TNC: variants seen among roughly 807,000 people sequenced by gnomAD.
TNC encodes the protein tenascin C, also known as tenascin.
In TNC, 109 loss-of-function variants were observed where a neutral mutation model predicts 202.4. The observed-to-expected ratio is 0.54, with a 90% confidence interval of 0.46 to 0.63. The LOEUF (loss-of-function observed/expected upper bound fraction) is 0.63. Among genes scored for constraint, TNC ranks in the 30% least tolerant of loss-of-function variants. TNC has a pLI of 0.00. For missense variants in TNC, 2,756 were observed against 2,833.3 expected, an observed-to-expected ratio of 0.97 and a Z score of 0.62; for synonymous variants, 1,007 against 1,089.7, an observed-to-expected ratio of 0.92 and a Z score of 1.50.
At chr9:115,028,474 A>G (rs1829681706) in intron 25 of TNC, among the ~76,000 whole-genome samples, 1 of 152,146 alleles carries the variant, frequency 6.6e-6, no homozygotes, top group South Asian at 2.1e-4. Flanking sequence ...GAAGATATCA[A>G]TGATATCAGT....
At chr9:115,096,585 C>G (rs1835811319) in intron 1 of TNC, among the ~76,000 whole-genome samples, 1 of 151,974 alleles carries the variant, frequency 6.6e-6, no homozygotes, top group Admixed American at 6.6e-5. Flanking sequence ...AGTTTCTTGA[C>G]TAATGAAAAT....
chr9:115,117,700 G>GA (rs1004118646), intron 1 of TNC, among the ~76,000 whole-genome samples: 41 of 152,258 alleles, frequency 2.7e-4, no homozygotes, highest in Admixed American at 2.0e-4. Context: ...CAGTTGAAGA[G>GA]AAAATTTTTA....
At chr9:115,040,528 G>A (rs2131935533) in intron 19 of TNC, among the ~76,000 whole-genome samples, 1 of 152,352 alleles carries the variant, frequency 6.6e-6, no homozygotes, top group South Asian at 2.1e-4. Context: ...ACAGCTTCAT[G>A]TGATCCTTAC....
intron 1 of TNC, among the ~76,000 whole-genome samples, chr9:115,104,973 T>C (rs146542646): frequency 9.6e-4 from 146 of 152,262 alleles, no homozygotes; most frequent in Non-Finnish European, 1.9e-3. Context: ...CACCAAATAT[T>C]TGGCATAGCA....
intron 1 of TNC, among the ~76,000 whole-genome samples, chr9:115,105,474 G>A (rs1196130039): frequency 6.6e-6 from 1 of 152,160 alleles, no homozygotes; most frequent in Non-Finnish European, 1.5e-5. Flanking sequence ...CACAGCTCAA[G>A]ATCACATAGC....
rs1243190832 is a variant in TNC at position 115,020,749 on chromosome 9, C to G, written c.*408G>C. ...TAAAAAAAGGGATGGCTTCCAATGA[C>G]ACATTTAATCTTTGCTAACAAAAAT... On this transcript the variant is annotated 3_prime_UTR_variant, in exon 28 of 28. Coordinates refer to ENST00000350763, the MANE Select transcript of TNC (RefSeq NM_002160.4). 3.8e-6 allele frequency: 1 copy of G among 261,916 alleles called. No homozygotes were observed. The highest frequency in any genetic ancestry group is 7.7e-6 in the Non-Finnish European group (1 of 130,512). The allele number at this position is 261,916 out of a possible 1,614,324, so 16.2% of individuals were successfully genotyped here.
At chr9:115,061,350 CT>C (rs1353174817) in intron 13 of TNC, among the ~76,000 whole-genome samples, 2 of 152,186 alleles carry the variant, frequency 1.3e-5, no homozygotes, top group Non-Finnish European at 2.9e-5. Flanking sequence ...GTATCCCCCT[CT>C]TACTTCCAGG....
Position 115,040,364 on chromosome 9 carries a change from A to G in TNC, c.5392+577T>C, listed in dbSNP as rs1436675099. ...AGTGCCTGGAATGCAAGAGCCACCA[A>G]ATAGAGAGGAGCTGTTTTGTAGCTG... On this transcript the variant is annotated intron_variant, in intron 19 of 27. Coordinates refer to ENST00000350763, the MANE Select transcript of TNC (RefSeq NM_002160.4). 4.6e-5 allele frequency among the ~76,000 whole-genome samples: 7 copies of G among 152,322 alleles called. No homozygotes were observed. The South Asian group carries it at 1.0e-3, about 23-fold the overall frequency.
At chr9:115,083,228 C>T (rs952376207) in intron 4 of TNC, among the ~76,000 whole-genome samples, 3 of 151,928 alleles carry the variant, frequency 2.0e-5, no homozygotes, top group African/African-American at 7.3e-5. Context: ...AGTGTGTAGA[C>T]TGCTGGGCCT....
chr9:115,076,629 A>G (rs748484218), intron 7 of TNC, 54 bp from the exon 8 acceptor site: 222 of 1,571,598 alleles, frequency 1.4e-4, no homozygotes, highest in Non-Finnish European at 1.8e-4. Context: ...AGAGAGCAGG[A>G]GTCTTTGACA....
Position 115,051,532 on chromosome 9 carries a change from T to A in TNC, c.4580-3000A>T, listed in dbSNP as rs1216112640. ...TCTAGGTGATTTTTCTTTTTTCTTT[T>A]TTTTCTTTTTTTTTTTTTTCTGACA... On this transcript the variant is annotated intron_variant, in intron 15 of 27. Transcript: ENST00000350763. 1.2e-4 allele frequency among the ~76,000 whole-genome samples: 12 copies of A among 99,170 alleles called. No homozygotes were observed. The East Asian group carries it at 2.7e-3, about 22-fold the overall frequency. 65.1% of individuals were successfully genotyped at this position (99,170 alleles called of 152,430 possible).
chr9:115,097,065 C>T (rs560199676), intron 1 of TNC, among the ~76,000 whole-genome samples: 1 of 152,336 alleles, frequency 6.6e-6, no homozygotes, highest in South Asian at 2.1e-4. Flanking sequence ...TTTGAGGGCA[C>T]TCAGTCCATA....
At chr9:115,039,109 C>A (rs1297121206) in intron 19 of TNC, among the ~76,000 whole-genome samples, 1 of 151,986 alleles carries the variant, frequency 6.6e-6, no homozygotes, top group Non-Finnish European at 1.5e-5. Context: ...GGATTACAGG[C>A]GTGAGTCACC....
In TNC at chr9:115,062,919, G is replaced by A. The variant is rs778084678; in HGVS notation, c.4031C>T (p.Thr1344Ile). The part of the protein sequence containing the change: ...STRPLAVEVV[T>I]EDLPQLGDLA... ...AGTCTGGGAGGAGGGTCATATACCTGTGACGACCTCTACAGCAAGGGGTCG... is the reference window on the plus strand; with the variant it reads ...AGTCTGGGAGGAGGGTCATATACCTATGACGACCTCTACAGCAAGGGGTCG... The change falls in exon 13 of 28, where the codon ACA (threonine) becomes ATA (isoleucine). Residue 1344 changes from threonine (T) to isoleucine (I), a missense_variant and splice_region_variant. This residue lies in a region of TNC where 2,559 missense variants were observed against 2,546.0 expected (regional missense o/e 1.01). Coordinates refer to ENST00000350763, the MANE Select transcript of TNC (RefSeq NM_002160.4). The A allele has an allele frequency of 3.5e-5, 57 of 1,612,556 alleles. 1 individual carries two copies. In the South Asian group the frequency reaches 5.9e-4, roughly 17 times the overall value.
rs1351977447 is a variant in TNC, at chr9:115,020,035, T to G, written c.*1122A>C. 6.6e-6 allele frequency: 1 copy of G among 152,058 alleles called. No homozygotes were observed. Among genetic ancestry groups the G allele is most frequent in the African/African-American group, 2.4e-5 (1 of 41,388 alleles). 9.4% of individuals were successfully genotyped at this position (152,058 alleles called of 1,614,324 possible). On this transcript the variant is annotated 3_prime_UTR_variant, in exon 28 of 28. Transcript: ENST00000350763. The stretch of plus-strand genomic sequence containing the variant: ...TGCTGAATCTCAAGTTGTAAGCTTT[T>G]TTTTTCTTTTCTTTTTTTATTTAGA...
chr9:115,030,451 G>A (rs776042209), intron 23 of TNC, 46 bp from the exon 24 acceptor site: 26 of 1,564,158 alleles, frequency 1.7e-5, no homozygotes, highest in Non-Finnish European at 2.3e-5. Context: ...CAGGAGGACT[G>A]AGCTGGAGCT....
intron 19 of TNC, among the ~76,000 whole-genome samples, chr9:115,038,598 T>G (rs1296538026): frequency 2.0e-5 from 3 of 152,220 alleles, no homozygotes; most frequent in African/African-American, 7.2e-5. Flanking sequence ...TATCCTCATG[T>G]GTAAAATAGG....
chr9:115,031,408 T>A, intron 23 of TNC, 145 bp downstream of exon 23: 1 of 928,636 alleles, frequency 1.1e-6, no homozygotes, highest in East Asian at 3.1e-5. Flanking sequence ...ACATTTGCTT[T>A]CCTCAGGCTT....
At chr9:115,082,928 A>C (rs1834417652) in intron 4 of TNC, 121 bp from the exon 5 acceptor site, 2 of 663,228 alleles carry the variant, frequency 3.0e-6, no homozygotes. Flanking sequence ...CAACCAGAGC[A>C]GGTGTCCTTT....
Sources: allele counts gnomAD v4.1 joint callset (sites outside exome capture counted in the v4.1 genomes callset), GRCh38; gene constraint gnomAD v4.1.1; regional missense constraint gnomAD v4.1.1; transcripts MANE v1.5; gene names NCBI Gene and HGNC (gene_info 2026-07-23, HGNC 2026-07-21).